The following TTC29 variants were observed in gnomAD, a reference collection of about 807,000 sequenced individuals.
The protein encoded by TTC29 is tetratricopeptide repeat protein 29.
In TTC29, 49 loss-of-function variants were observed where a neutral mutation model predicts 58.1. The ratio of observed to expected loss-of-function variants is 0.84; its 90% CI spans 0.67 to 1.07. The LOEUF (loss-of-function observed/expected upper bound fraction) is 1.07, where lower values mean the gene tolerates loss of function less well. TTC29 is among the 50% of genes least tolerant of loss of function. The pLI, the probability that TTC29 is intolerant of heterozygous loss-of-function variation, is 0.00. For synonymous variants in TTC29, 209 were observed against 196.8 expected (o/e 1.06, Z -0.52); for missense variants, 582 against 555.6 (o/e 1.05, Z -0.48).
intron 4 of TTC29, among the ~76,000 whole-genome samples, chr4:146,920,493 A>G (rs1734507188): frequency 6.6e-6 from 1 of 151,236 alleles, no homozygotes; most frequent in Non-Finnish European, 1.5e-5. Context: ...AATGAAAACA[A>G]AACATTATTC....
At chr4:146,736,721 T>C (rs1744735402) in intron 11 of TTC29, among the ~76,000 whole-genome samples, 1 of 152,188 alleles carries the variant, frequency 6.6e-6, no homozygotes, top group African/African-American at 2.4e-5. Flanking sequence ...AAAATGATCC[T>C]GAAACCTGAA....
At chr4:146,897,483 A>G (rs879455314) in intron 6 of TTC29, among the ~76,000 whole-genome samples, 4 of 152,056 alleles carry the variant, frequency 2.6e-5, no homozygotes, top group Non-Finnish European at 1.5e-5. Flanking sequence ...GCCATGCCCT[A>G]TGACTGCAAC....
At chr4:146,727,527 G>A (rs1743885429) in intron 11 of TTC29, among the ~76,000 whole-genome samples, 1 of 152,110 alleles carries the variant, frequency 6.6e-6, no homozygotes, top group Admixed American at 6.6e-5. Flanking sequence ...TGAAACCACC[G>A]ATTTTTGAAA....
At chr4:146,779,966 ACTTGTTATATTTCAC>A (rs1425074218) in intron 11 of TTC29, among the ~76,000 whole-genome samples, 1 of 152,160 alleles carries the variant, frequency 6.6e-6, no homozygotes, top group African/African-American at 2.4e-5. Context: ...GTTTTGGCTA[ACTTGTTATATTTCAC>A]CTCCACCCAA....
intron 6 of TTC29, among the ~76,000 whole-genome samples, chr4:146,897,011 C>T (rs952966192): frequency 3.9e-5 from 6 of 152,230 alleles, no homozygotes; most frequent in Admixed American, 1.3e-4. Context: ...GTTTTTCTTT[C>T]ATCTCCTACA....
chr4:146,852,081 G>A (rs1464874053), intron 8 of TTC29, among the ~76,000 whole-genome samples: 1 of 152,168 alleles, frequency 6.6e-6, no homozygotes, highest in Non-Finnish European at 1.5e-5. Flanking sequence ...GACTACAGGG[G>A]TAAGCCACCG....
At chr4:146,796,165 CCACCAGCT>C (rs1749822663) in intron 11 of TTC29, among the ~76,000 whole-genome samples, 1 of 150,358 alleles carries the variant, frequency 6.7e-6, no homozygotes, top group Non-Finnish European at 1.5e-5. Flanking sequence ...ACTGGTAACA[CCACCAGCT>C]ACCAAGAACT....
Position 146,904,332 on chromosome 4 carries a change from C to T in TTC29, c.401-603G>A, listed in dbSNP as rs566868648. On this transcript the variant is annotated intron_variant, in intron 5 of 12. Transcript: ENST00000325106. ...TCTAGCAATGTTAAGAAAGAGTAGA[C>T]TTCTACGCTTCTGTTTTCTATGGGT... is the stretch of plus-strand genomic sequence containing the variant. Among the ~76,000 whole-genome samples, 8 of 152,272 alleles carry T rather than the reference C, an allele frequency of 5.3e-5. No individual in the cohort carries two copies. The South Asian group carries it at 1.5e-3, about 28-fold the overall frequency.
chr4:146,803,371 A>C, intron 11 of TTC29, 86 bp downstream of exon 11: 1 of 977,466 alleles, frequency 1.0e-6, no homozygotes, highest in Non-Finnish European at 1.5e-6. Flanking sequence ...AAAATCACCG[A>C]CATTTGAGTG....
chr4:146,708,155 C>A (rs1742125356), intron 11 of TTC29, among the ~76,000 whole-genome samples: 5 of 151,738 alleles, frequency 3.3e-5, no homozygotes, highest in Admixed American at 3.3e-4. Context: ...TGCCTGAATT[C>A]CTAATCCACA....
At chr4:146,941,122 T>C (rs916339770) in intron 2 of TTC29, among the ~76,000 whole-genome samples, 2 of 152,122 alleles carry the variant, frequency 1.3e-5, no homozygotes, top group South Asian at 4.1e-4. Context: ...ATAGAAAAAT[T>C]GTTACATGGT....
At chr4:146,884,431 A>C (rs967078643) in intron 6 of TTC29, among the ~76,000 whole-genome samples, 1 of 152,100 alleles carries the variant, frequency 6.6e-6, no homozygotes, top group Non-Finnish European at 1.5e-5. Context: ...AGAGACCTGC[A>C]GTTTGAGTGT....
chr4:146,857,357 G>T (rs558094785), intron 8 of TTC29, among the ~76,000 whole-genome samples: 1 of 151,934 alleles, frequency 6.6e-6, no homozygotes, highest in East Asian at 1.9e-4. Flanking sequence ...AATGGGATCT[G>T]TAACAGCTGC....
At chr4:146,776,079 C>T (rs887467469) in intron 11 of TTC29, among the ~76,000 whole-genome samples, 1 of 152,166 alleles carries the variant, frequency 6.6e-6, no homozygotes, top group African/African-American at 2.4e-5. Flanking sequence ...ATCAATTCTG[C>T]TTTTTAATAT....
chr4:146,918,606 A>G (rs1039776575), intron 4 of TTC29, among the ~76,000 whole-genome samples: 2 of 151,222 alleles, frequency 1.3e-5, no homozygotes, highest in African/African-American at 4.8e-5. Context: ...ATCAGAGGAA[A>G]GCATGCTTAT....
chr4:146,838,011 A>C lies in TTC29; in HGVS notation c.886-4114T>G, dbSNP rs576388822. Among the ~76,000 whole-genome samples, 10 of 152,124 alleles carry C rather than the reference A, an allele frequency of 6.6e-5. No homozygotes were observed. The East Asian group carries it at 1.9e-3, about 29-fold the overall frequency. On this transcript the variant is annotated intron_variant, in intron 8 of 12. Coordinates refer to ENST00000325106, the MANE Select transcript of TTC29 (RefSeq NM_031956.4). ...GTTGGCAAAGTCAGTTCATACACCT[A>C]ATAAGAATTGAGTGCTACATGGCCA...
Position 146,713,478 on chromosome 4 carries a change from A to T in TTC29, c.1331-5927T>A, listed in dbSNP as rs775928096. On this transcript the variant is annotated intron_variant, in intron 11 of 12. Coordinates refer to ENST00000325106, the MANE Select transcript of TTC29 (RefSeq NM_031956.4). ...TACATTTTGTTGTTAACAAAACAAA[A>T]AGTTAATCTTTCTTATCTGTGTTTT... Among the ~76,000 whole-genome samples the T allele has an allele frequency of 4.8e-4, 73 of 152,116 alleles. 1 individual carries two copies. The highest frequency in any genetic ancestry group is 1.2e-4 in the Non-Finnish European group (8 of 68,014).
chr4:146,839,915 G>A (rs1211516343), intron 8 of TTC29, among the ~76,000 whole-genome samples: 1 of 151,812 alleles, frequency 6.6e-6, no homozygotes, highest in Non-Finnish European at 1.5e-5. Flanking sequence ...TTATACATAG[G>A]TGTGAATGAC....
chr4:146,934,143 T>C (rs1398771436), intron 4 of TTC29: 1 of 152,328 alleles, frequency 6.6e-6, no homozygotes, highest in Non-Finnish European at 1.5e-5. Context: ...TCTAATGTTT[T>C]CAAAAGACCA....
Sources: gnomAD v4.1 joint callset for allele counts (sites outside exome capture counted in the v4.1 genomes callset) on GRCh38, gnomAD v4.1.1 for gene constraint, MANE v1.5 for transcripts, NCBI Gene and HGNC (gene_info 2026-07-23, HGNC 2026-07-21) for gene names.